Variants in SYT16 observed in about 807,000 individuals in gnomAD.
SYT16 encodes the protein synaptotagmin 16, also known as synaptotagmin-16.
A neutral mutation model predicts 61.4 loss-of-function variants in SYT16; 42 were observed. That is an observed-to-expected ratio of 0.68 (90% confidence interval 0.53 to 0.89). The LOEUF is 0.89. SYT16 is among the 40% of genes least tolerant of loss of function. The probability of loss-of-function intolerance (pLI) is 0.00; values close to 1 mark genes in which losing one functional copy is unlikely to be tolerated. For missense variants in SYT16, 804 were observed against 807.3 expected (o/e 1.00, Z 0.05); for synonymous variants, 314 against 302.3 (o/e 1.04, Z -0.40).
intron 5 of SYT16, 53 bp downstream of exon 5, chr14:62,075,444 T>G: frequency 1.3e-6 from 2 of 1,525,850 alleles, no homozygotes; most frequent in Non-Finnish European, 8.9e-7. Flanking sequence ...CTTCCCCTCT[T>G]TCCACTCTCC....
chr14:61,907,778 A>G (rs1434921493), intron 1 of SYT16, among the ~76,000 whole-genome samples: 1 of 152,234 alleles, frequency 6.6e-6, no homozygotes, highest in Non-Finnish European at 1.5e-5. Context: ...GGGAGAGACT[A>G]CAGAAGGGTG....
intron 1 of SYT16, among the ~76,000 whole-genome samples, chr14:61,829,709 C>T (rs1229912335): frequency 6.6e-6 from 1 of 151,562 alleles, no homozygotes; most frequent in African/African-American, 2.4e-5. Flanking sequence ...GGCTGGAGTA[C>T]AATGGTGTGA....
At chr14:61,854,460 C>T (rs758088008) in intron 1 of SYT16, among the ~76,000 whole-genome samples, 17 of 152,202 alleles carry the variant, frequency 1.1e-4, no homozygotes, top group African/African-American at 2.2e-4. Flanking sequence ...ATGCTTATAC[C>T]TCTCTCGGAG....
chr14:62,051,463 G>A (rs541391077), intron 3 of SYT16, among the ~76,000 whole-genome samples: 13 of 152,260 alleles, frequency 8.5e-5, no homozygotes, highest in South Asian at 2.1e-4. Context: ...TGTACGGTGC[G>A]CTGCACCCAC....
intron 3 of SYT16, among the ~76,000 whole-genome samples, chr14:62,058,474 C>T (rs1252526117): frequency 1.3e-5 from 2 of 151,726 alleles, no homozygotes; most frequent in Non-Finnish European, 2.9e-5. Context: ...AGTGATTCTC[C>T]TGCCTCGGCC....
rs186439952 is a variant in SYT16, at chr14:61,845,759, T to G, written c.-325+32949T>G. On this transcript the variant is annotated intron_variant, in intron 1 of 7. Coordinates refer to ENST00000683842, the MANE Select transcript of SYT16 (RefSeq NM_001367656.1). ...TGCTCTTGTTCTTTAAAATGCATTA[T>G]TAGGTTGTTTATTTGAAATTTTTCT... 2.1e-3 allele frequency among the ~76,000 whole-genome samples: 323 copies of G among 152,324 alleles called. 1 individual carries two copies. The highest frequency in any genetic ancestry group is 7.5e-3 in the African/African-American group (313 of 41,586).
At chr14:61,955,405 T>A (rs1566713770) in intron 1 of SYT16, among the ~76,000 whole-genome samples, 1 of 152,084 alleles carries the variant, frequency 6.6e-6, no homozygotes, top group East Asian at 1.9e-4. Context: ...TTATTTAGTT[T>A]GTATAAATGA....
chr14:61,975,625 C>T (rs893461259), intron 2 of SYT16, among the ~76,000 whole-genome samples: 5 of 152,118 alleles, frequency 3.3e-5, no homozygotes, highest in African/African-American at 1.2e-4. Flanking sequence ...ATTAGAACAG[C>T]ATGAGAGAAA....
intron 1 of SYT16, among the ~76,000 whole-genome samples, chr14:61,955,783 T>C (rs2050851583): frequency 6.6e-6 from 1 of 152,096 alleles, no homozygotes; most frequent in Admixed American, 6.6e-5. Context: ...GATTCAGATT[T>C]TAATTCCTTT....
At chr14:61,871,202 C>A (rs2047321170) in intron 1 of SYT16, among the ~76,000 whole-genome samples, 1 of 151,916 alleles carries the variant, frequency 6.6e-6, no homozygotes, top group Admixed American at 6.6e-5. Flanking sequence ...CCACTTTATA[C>A]TCTATATATT....
chr14:62,025,894 T>A (rs1182856739), intron 3 of SYT16, among the ~76,000 whole-genome samples: 1 of 151,392 alleles, frequency 6.6e-6, no homozygotes, highest in Non-Finnish European at 1.5e-5. Flanking sequence ...AAAAAAACAA[T>A]AAAATATTTC....
chr14:61,927,066 T>G (rs976224225), intron 1 of SYT16, among the ~76,000 whole-genome samples: 50 of 152,232 alleles, frequency 3.3e-4, no homozygotes, highest in African/African-American at 1.1e-3. Context: ...CAGTGGTCCT[T>G]CATCCCACAT....
chr14:61,867,714 G>A (rs2047203076), intron 1 of SYT16, among the ~76,000 whole-genome samples: 1 of 152,052 alleles, frequency 6.6e-6, no homozygotes, highest in Non-Finnish European at 1.5e-5. Flanking sequence ...TAACAAGTTT[G>A]TACTGTTGAA....
In SYT16 at chr14:62,045,215, T is replaced by C. The variant is rs1028773127; in HGVS notation, c.524-24388T>C. Among the ~76,000 whole-genome samples the C allele has an allele frequency of 2.2e-4, 33 of 152,272 alleles. 1 individual carries two copies. The highest frequency in any genetic ancestry group is 1.5e-3 in the South Asian group (7 of 4,824). ...TTTAGGATATTTGCTACTAGGATCA[T>C]AAGTGAGATTGATCTACTGTATAAA... On this transcript the variant is annotated intron_variant, in intron 3 of 7. Coordinates refer to ENST00000683842, the MANE Select transcript of SYT16 (RefSeq NM_001367656.1).
intron 3 of SYT16, among the ~76,000 whole-genome samples, chr14:62,011,418 A>C (rs1447322200): frequency 1.3e-5 from 2 of 152,112 alleles, no homozygotes; most frequent in African/African-American, 4.8e-5. Context: ...TTCTGGCAAT[A>C]AGAAGAAAAT....
In SYT16 at chr14:62,100,574, A is replaced by G. The variant is rs772562111; in HGVS notation, c.1805A>G (p.Lys602Arg). The G allele has an allele frequency of 3.1e-6, 5 of 1,613,800 alleles. No homozygotes were observed. In the South Asian group the frequency reaches 5.5e-5, roughly 18 times the overall value. ...TCCGTTTATAACAGGCGTACTATGA[A>G]GCGTAAAGAGATGATTGGCTGGATT... is the stretch of plus-strand genomic sequence containing the variant. ...MISVYNRRTMKRKEMIGWIAL... is the reference protein window; with the variant it reads ...MISVYNRRTMRRKEMIGWIAL... Residue 602 changes from lysine to arginine, a missense_variant, in exon 8 of 8, where the codon AAG (lysine) becomes AGG (arginine). By Grantham distance (26) the Lys-to-Arg change is conservative. Coordinates refer to ENST00000683842, the MANE Select transcript of SYT16 (RefSeq NM_001367656.1).
At chr14:61,850,957 T>C (rs1010614599) in intron 1 of SYT16, among the ~76,000 whole-genome samples, 14 of 152,204 alleles carry the variant, frequency 9.2e-5, no homozygotes, top group Admixed American at 1.3e-4. Context: ...AGGTTTGTTA[T>C]ATAGATAAAT....
Position 62,109,656 on chromosome 14 carries a change from CAG to C in SYT16, c.*8951_*8952del, listed in dbSNP as rs1449181722. On this transcript the variant is annotated 3_prime_UTR_variant, in exon 8 of 8. Coordinates refer to ENST00000683842, the MANE Select transcript of SYT16 (RefSeq NM_001367656.1). Reference sequence around the variant, plus strand: ...GTTTTTCCCTCCATTGGAATCTAAACAGAAAGTTCTGAAGGTTATGAAGACGT... The same window carrying C: ...GTTTTTCCCTCCATTGGAATCTAAACAAAGTTCTGAAGGTTATGAAGACGT... 1 of 152,008 alleles carries C rather than the reference CAG, an allele frequency of 6.6e-6. No individual in the cohort carries two copies. Among genetic ancestry groups the C allele is most frequent in the African/African-American group, 2.4e-5 (1 of 41,366 alleles). 9.4% of individuals were successfully genotyped at this position (152,008 alleles called of 1,614,324 possible). A position where few individuals can be genotyped will look rare whatever the true frequency, so the allele number is the denominator to read the frequency against.
At position 62,106,814 on chromosome 14, in the gene SYT16, C is replaced by A. The variant is rs1186329518; in HGVS notation, c.*6107C>A. On this transcript the variant is annotated 3_prime_UTR_variant, in exon 8 of 8. Transcript: ENST00000683842. ...AGACAATAATCACCTTATTTATATC[C>A]ACTGTGGAACCTGTGAAACAGCTCG... 1 of 152,090 alleles carries A rather than the reference C, an allele frequency of 6.6e-6. No homozygotes were observed. The highest frequency in any genetic ancestry group is 1.5e-5 in the Non-Finnish European group (1 of 68,004). 9.4% of individuals were successfully genotyped at this position (152,090 alleles called of 1,614,324 possible).
Sources: allele counts gnomAD v4.1 joint callset (sites outside exome capture counted in the v4.1 genomes callset), GRCh38; gene constraint gnomAD v4.1.1; transcripts MANE v1.5; gene names NCBI Gene and HGNC (gene_info 2026-07-23, HGNC 2026-07-21).